The following AP2B1 variants were observed in gnomAD, a reference collection of about 807,000 sequenced individuals.
The protein encoded by AP2B1 is AP-2 complex subunit beta.
AP2B1 carries 23 observed loss-of-function variants against 102.0 expected under a neutral mutation model. The observed-to-expected ratio is 0.23, with a 90% CI of 0.16 to 0.32. The LOEUF (loss-of-function observed/expected upper bound fraction) is 0.32. Among genes scored for constraint, AP2B1 ranks in the 10% least tolerant of loss-of-function variants. The pLI is 1.00. For missense variants in AP2B1, 541 were observed against 1,157.4 expected, an observed-to-expected ratio of 0.47 and a Z score of 7.73; for synonymous variants, 381 against 421.2, an observed-to-expected ratio of 0.90 and a Z score of 1.17.
At chr17:35,592,203 A>G (rs1170944767) in intron 1 of AP2B1, among the ~76,000 whole-genome samples, 1 of 152,080 alleles carries the variant, frequency 6.6e-6, no homozygotes, top group Admixed American at 6.6e-5. Flanking sequence ...ATTGTTTGCC[A>G]AATACATTAT....
chr17:35,699,957 A>G (rs375440431), intron 18 of AP2B1, among the ~76,000 whole-genome samples: 1 of 152,124 alleles, frequency 6.6e-6, no homozygotes, highest in Non-Finnish European at 1.5e-5. Context: ...TTAGCCAAGC[A>G]TGGTGGCACA....
intron 18 of AP2B1, among the ~76,000 whole-genome samples, chr17:35,687,691 CA>C (rs2075964573): frequency 6.6e-6 from 1 of 152,018 alleles, no homozygotes; most frequent in East Asian, 1.9e-4. Flanking sequence ...GCTGGGACTA[CA>C]GGTGTGTGTC....
chr17:35,636,903 A>C (rs566570694), intron 10 of AP2B1, among the ~76,000 whole-genome samples: 2 of 152,192 alleles, frequency 1.3e-5, no homozygotes, highest in East Asian at 3.8e-4. Context: ...CAGCTGTGCT[A>C]TTTACTTTGC....
rs183742462 is a variant in AP2B1, at chr17:35,686,696, G to T, written c.2454+3872G>T. Among the ~76,000 whole-genome samples the T allele has an allele frequency of 4.6e-4, 70 of 152,308 alleles. No individual in the cohort carries two copies. In the South Asian group the frequency reaches 5.8e-3, roughly 13 times the overall value. The stretch of plus-strand genomic sequence containing the variant: ...TTAAGAAAAACTGGCCGGGCATGGT[G>T]GCTCACGCCTGTAATCCCAGCACTT... On this transcript the variant is annotated intron_variant, in intron 18 of 21. Transcript: ENST00000610402.
chr17:35,684,891 GA>G (rs1214378327), intron 18 of AP2B1, among the ~76,000 whole-genome samples: 10 of 151,460 alleles, frequency 6.6e-5, no homozygotes, highest in Admixed American at 2.0e-4. Flanking sequence ...AAAATGAAAA[GA>G]AAAAAAAGAA....
intron 20 of AP2B1, among the ~76,000 whole-genome samples, chr17:35,712,561 G>C (rs771811909): frequency 6.6e-6 from 1 of 152,032 alleles, no homozygotes; most frequent in Non-Finnish European, 1.5e-5. Flanking sequence ...TCCAGGAGGC[G>C]GAGCTTGCAG....
chr17:35,654,214 A>G (rs907737526), intron 13 of AP2B1, among the ~76,000 whole-genome samples: 2 of 151,452 alleles, frequency 1.3e-5, no homozygotes, highest in Non-Finnish European at 2.9e-5. Context: ...GCTGCCTCCT[A>G]CCACTCCTAG....
chr17:35,711,423 A>C (rs2143008565), intron 20 of AP2B1, among the ~76,000 whole-genome samples: 1 of 151,690 alleles, frequency 6.6e-6, no homozygotes, highest in East Asian at 1.9e-4. Flanking sequence ...AAAAAAAAAA[A>C]AACACACACA....
rs1178618332 is a variant in AP2B1, at chr17:35,724,478, C to T, written c.*779C>T. ...AGTTATACCTTACTCCTTTCCTTTC[C>T]CCTGAACAAACCTGCTAATCCCACT... is the stretch of plus-strand genomic sequence containing the variant. On this transcript the variant is annotated 3_prime_UTR_variant, in exon 22 of 22. Coordinates refer to ENST00000610402, the MANE Select transcript of AP2B1 (RefSeq NM_001030006.2). 4 of 152,152 alleles carry T rather than the reference C, an allele frequency of 2.6e-5. No homozygotes were observed. Among genetic ancestry groups the T allele is most frequent in the African/African-American group, 9.7e-5 (4 of 41,420 alleles). The allele number at this position is 152,152 out of a possible 1,614,324, so 9.4% of individuals were successfully genotyped here. A position where few individuals can be genotyped will look rare whatever the true frequency, so the allele number is the denominator to read the frequency against.
At chr17:35,590,054 T>C (rs926835478) in intron 1 of AP2B1, among the ~76,000 whole-genome samples, 6 of 151,550 alleles carry the variant, frequency 4.0e-5, no homozygotes, top group South Asian at 2.1e-4. Flanking sequence ...GCTTCCCGAG[T>C]AGCTGGGACT....
Position 35,726,054 on chromosome 17 carries a change from C to G in AP2B1, c.*2355C>G, listed in dbSNP as rs587689751. 1 of 152,220 alleles carries G rather than the reference C, an allele frequency of 6.6e-6. No homozygotes were observed. Among genetic ancestry groups the G allele is most frequent in the Non-Finnish European group, 1.5e-5 (1 of 68,068 alleles). The allele number at this position is 152,220 out of a possible 1,614,324, so 9.4% of individuals were successfully genotyped here. On this transcript the variant is annotated 3_prime_UTR_variant, in exon 22 of 22. Transcript: ENST00000610402. ...CTCCACCACGGCTTCCCTCTTGGCTCATTCCAAGCTTGGCCAAATTGGGGA... is the reference window on the plus strand; with the variant it reads ...CTCCACCACGGCTTCCCTCTTGGCTGATTCCAAGCTTGGCCAAATTGGGGA...
chr17:35,699,437 A>T (rs2076199988), intron 18 of AP2B1, among the ~76,000 whole-genome samples: 1 of 152,218 alleles, frequency 6.6e-6, no homozygotes, highest in African/African-American at 2.4e-5. Context: ...GTATGGCTTT[A>T]TACTCAGGAT....
At chr17:35,672,502 C>G (rs2075610196) in intron 16 of AP2B1, among the ~76,000 whole-genome samples, 1 of 152,210 alleles carries the variant, frequency 6.6e-6, no homozygotes, top group African/African-American at 2.4e-5. Flanking sequence ...TTCATACAGT[C>G]TTACCTTTCT....
chr17:35,601,814 G>A (rs895778058), intron 3 of AP2B1, among the ~76,000 whole-genome samples: 1 of 133,168 alleles, frequency 7.5e-6, no homozygotes, highest in African/African-American at 2.9e-5. Flanking sequence ...TTTTGCTCTT[G>A]TTGCCCAGGC....
At chr17:35,720,573 A>ATATATATAT (rs1324333805) in intron 21 of AP2B1, among the ~76,000 whole-genome samples, 8 of 28,070 alleles carry the variant, frequency 2.9e-4, no homozygotes, top group Non-Finnish European at 3.7e-4. Context: ...ATATATATAT[A>ATATATATAT]TTTTTTTTTT....
intron 14 of AP2B1, among the ~76,000 whole-genome samples, chr17:35,664,959 T>TC (rs2075433330): frequency 6.6e-6 from 1 of 152,008 alleles, no homozygotes; most frequent in Non-Finnish European, 1.5e-5. Flanking sequence ...AGAAGCCTTT[T>TC]CCCCCCTCAG....
chr17:35,720,167 A>G (rs1347949936), intron 21 of AP2B1, among the ~76,000 whole-genome samples: 1 of 152,144 alleles, frequency 6.6e-6, no homozygotes, highest in Non-Finnish European at 1.5e-5. Flanking sequence ...TGTGCTGTAC[A>G]TGCTTAAAAA....
intron 18 of AP2B1, among the ~76,000 whole-genome samples, chr17:35,699,376 G>A (rs1362495244): frequency 6.6e-6 from 1 of 152,192 alleles, no homozygotes. Context: ...GGGTTCCACT[G>A]TTCACATACT....
chr17:35,675,440 T>C (rs930363061), intron 17 of AP2B1, among the ~76,000 whole-genome samples: 1 of 152,260 alleles, frequency 6.6e-6, no homozygotes, highest in Non-Finnish European at 1.5e-5. Context: ...ATCATTTAAC[T>C]ATCTAGAAAG....
Sources: allele counts gnomAD v4.1 joint callset (sites outside exome capture counted in the v4.1 genomes callset), GRCh38; gene constraint gnomAD v4.1.1; transcripts MANE v1.5; gene names NCBI Gene and HGNC (gene_info 2026-07-23, HGNC 2026-07-21).